Variants in CPVL observed in about 807,000 individuals in gnomAD.
CPVL encodes probable serine carboxypeptidase CPVL.
CPVL carries 51 observed loss-of-function variants against 63.7 expected under a neutral mutation model. The ratio of observed to expected loss-of-function variants is 0.80; its 90% CI spans 0.64 to 1.01. The LOEUF (loss-of-function observed/expected upper bound fraction) is 1.01. Ranked by LOEUF, CPVL falls within the 50% of genes least tolerant of loss-of-function variation. The pLI is 0.00. For missense variants in CPVL, 530 were observed against 573.1 expected (o/e 0.92, Z 0.77); for synonymous variants, 195 against 206.0 (o/e 0.95, Z 0.46).
intron 11 of CPVL, among the ~76,000 whole-genome samples, chr7:29,056,059 T>C (rs1217644400): frequency 2.0e-5 from 3 of 152,182 alleles, no homozygotes; most frequent in South Asian, 2.1e-4. Context: ...TTTAGGTTCA[T>C]AGCAAAATTG....
intron 1 of CPVL, chr7:29,193,248 T>A (rs938315882): frequency 6.6e-6 from 1 of 151,984 alleles, no homozygotes; most frequent in Non-Finnish European, 1.5e-5. Context: ...TGGGATAGTA[T>A]CCTGGAGGGA....
At chr7:29,073,012 T>G (rs1227233189) in intron 7 of CPVL, among the ~76,000 whole-genome samples, 1 of 152,262 alleles carries the variant, frequency 6.6e-6, no homozygotes, top group East Asian at 1.9e-4. Flanking sequence ...ACGGTTCTAC[T>G]TTAAGACTGT....
chr7:29,186,306 C>T (rs1196071002), intron 2 of CPVL: 2 of 152,100 alleles, frequency 1.3e-5, no homozygotes, highest in Non-Finnish European at 2.9e-5. Context: ...CATAAGTAGG[C>T]CATGCGTGTT....
intron 5 of CPVL, among the ~76,000 whole-genome samples, chr7:29,169,848 A>G (rs1178354330): frequency 1.3e-5 from 2 of 150,020 alleles, no homozygotes; most frequent in Non-Finnish European, 2.9e-5. Flanking sequence ...ACACATATAT[A>G]TAAGTATATA....
chr7:29,051,377 T>C (rs772830895), intron 11 of CPVL, among the ~76,000 whole-genome samples: 4 of 152,012 alleles, frequency 2.6e-5, no homozygotes, highest in Non-Finnish European at 5.9e-5. Context: ...ATATCCAGAA[T>C]CTACAACAAA....
intron 11 of CPVL, among the ~76,000 whole-genome samples, chr7:29,045,572 TA>T (rs149491237): frequency 0.091 from 13,915 of 152,242 alleles, 1,912 homozygotes; most frequent in African/African-American, 0.3. Flanking sequence ...TTCAAAGGGC[TA>T]GGGGGAAATC....
chr7:29,020,154 A>G (rs1786815904), intron 12 of CPVL, among the ~76,000 whole-genome samples: 1 of 152,196 alleles, frequency 6.6e-6, no homozygotes, highest in Admixed American at 6.5e-5. Context: ...AGCAGGACAC[A>G]TGTGGGATGC....
intron 5 of CPVL, among the ~76,000 whole-genome samples, chr7:29,175,738 C>A (rs186021257): frequency 1.3e-5 from 2 of 151,470 alleles, no homozygotes; most frequent in Non-Finnish European, 2.9e-5. Context: ...GTTACCCAAG[C>A]GGAGCACAGG....
rs114672823 is a variant in CPVL, at chr7:29,130,733, G to A, written c.-10-9662C>T. On this transcript the variant is annotated intron_variant, in intron 1 of 12. Coordinates refer to ENST00000265394, the MANE Select transcript of CPVL (RefSeq NM_031311.5). ...ATTTTCCATATACCACTATATAAAC[G>A]ACAGAATATAACGAAATCTGCCTCA... Among the ~76,000 whole-genome samples, 229 of 152,232 alleles carry A rather than the reference G, an allele frequency of 1.5e-3. 1 individual carries two copies. Among genetic ancestry groups the A allele is most frequent in the African/African-American group, 5.3e-3 (221 of 41,540 alleles).
intron 3 of CPVL, among the ~76,000 whole-genome samples, chr7:29,100,343 C>T (rs1786986450): frequency 6.6e-6 from 1 of 152,182 alleles, no homozygotes; most frequent in East Asian, 1.9e-4. Flanking sequence ...GCCCAAATCC[C>T]AGAGATTCCA....
chr7:29,105,046 TAG>T (rs1182097612), intron 3 of CPVL, among the ~76,000 whole-genome samples: 1 of 152,168 alleles, frequency 6.6e-6, no homozygotes, highest in Non-Finnish European at 1.5e-5. Flanking sequence ...AGAAGATAAA[TAG>T]AGTCAGTTTG....
chr7:29,058,907 C>A (rs949070563), intron 11 of CPVL, among the ~76,000 whole-genome samples: 3 of 151,876 alleles, frequency 2.0e-5, no homozygotes, highest in African/African-American at 7.3e-5. Flanking sequence ...TTATCTGACT[C>A]CATGTTTTCT....
intron 11 of CPVL, among the ~76,000 whole-genome samples, chr7:29,062,869 C>T (rs182705329): frequency 1.2e-4 from 18 of 152,246 alleles, no homozygotes; most frequent in East Asian, 1.2e-3. Context: ...TATGGGCTGC[C>T]GACTGCCCTG....
chr7:29,189,356 A>G (rs1040451893), intron 1 of CPVL, among the ~76,000 whole-genome samples: 2 of 152,164 alleles, frequency 1.3e-5, no homozygotes, highest in African/African-American at 4.8e-5. Context: ...GAATAAATGA[A>G]CAGGTAGTAG....
chr7:29,171,211 AC>A (rs1019079014), intron 5 of CPVL, among the ~76,000 whole-genome samples: 1 of 152,198 alleles, frequency 6.6e-6, no homozygotes, highest in African/African-American at 2.4e-5. Context: ...ACATGAAGGA[AC>A]AGCGCAGACA....
At chr7:29,123,608 AAAAAAAAAAAAAAAAAAAAAAT>A (rs1201069897) in intron 1 of CPVL, among the ~76,000 whole-genome samples, 22 of 89,970 alleles carry the variant, frequency 2.4e-4, no homozygotes, top group East Asian at 1.1e-3. Flanking sequence ...AAAAAAAAAA[AAAAAAAAAAAAAAAAAAAAAAT>A]ATATATATAT....
chr7:29,134,933 C>T (rs1288917741), intron 1 of CPVL, among the ~76,000 whole-genome samples: 2 of 151,712 alleles, frequency 1.3e-5, no homozygotes, highest in Non-Finnish European at 2.9e-5. Flanking sequence ...AATTTCATTT[C>T]TACAAAAAAG....
chr7:29,167,779 C>T (rs1796098095), intron 5 of CPVL, among the ~76,000 whole-genome samples: 1 of 152,200 alleles, frequency 6.6e-6, no homozygotes, highest in Non-Finnish European at 1.5e-5. Context: ...TGCTTCCAAG[C>T]ACATAGTAGA....
chr7:29,129,418 T>C (rs1260615972), intron 1 of CPVL, among the ~76,000 whole-genome samples: 3 of 152,048 alleles, frequency 2.0e-5, no homozygotes, highest in African/African-American at 7.2e-5. Flanking sequence ...TATTTGAAAA[T>C]AGGGTCTTTG....
Sources: allele counts gnomAD v4.1 joint callset (sites outside exome capture counted in the v4.1 genomes callset), GRCh38; gene constraint gnomAD v4.1.1; transcripts MANE v1.5; gene names NCBI Gene and HGNC (gene_info 2026-07-23, HGNC 2026-07-21).